The following TAOK1 variants were observed in gnomAD, a reference collection of about 807,000 sequenced individuals.
The protein encoded by TAOK1 is TAO kinase 1, also known as serine/threonine-protein kinase TAO1.
TAOK1 carries 21 observed loss-of-function variants against 138.3 expected under a neutral mutation model. The ratio of observed to expected loss-of-function variants is 0.15; its 90% CI spans 0.11 to 0.22. The LOEUF is 0.22. Among genes scored for constraint, TAOK1 ranks in the 10% least tolerant of loss-of-function variants. TAOK1 has a pLI of 1.00. For synonymous variants in TAOK1, 361 were observed against 398.4 expected, an observed-to-expected ratio of 0.91 and a Z score of 1.12; for missense variants, 651 against 1,227.7, an observed-to-expected ratio of 0.53 and a Z score of 7.02.
intron 13 of TAOK1, among the ~76,000 whole-genome samples, chr17:29,505,199 C>T (rs1425476308): frequency 6.6e-6 from 1 of 152,122 alleles, no homozygotes; most frequent in East Asian, 1.9e-4. Context: ...GTGCTATATA[C>T]CATAACTTAG....
At chr17:29,526,828 A>T (rs1362589580) in intron 17 of TAOK1, among the ~76,000 whole-genome samples, 2 of 147,692 alleles carry the variant, frequency 1.4e-5, no homozygotes, top group African/African-American at 2.5e-5. Flanking sequence ...TTAAAAAAAA[A>T]AAAAAAAAAA....
Position 29,435,551 on chromosome 17 carries a change from C to T in TAOK1, c.-94-15904C>T, listed in dbSNP as rs181623476. Among the ~76,000 whole-genome samples the T allele has an allele frequency of 3.9e-5, 6 of 152,172 alleles. No homozygotes were observed. In the East Asian group the frequency reaches 9.7e-4, roughly 25 times the overall value. On this transcript the variant is annotated intron_variant, in intron 1 of 19. Coordinates refer to ENST00000261716, the MANE Select transcript of TAOK1 (RefSeq NM_020791.4). ...TGGGTGATCCTCTCCTCTTAAGGTC[C>T]CAAGATAAACTTGGAGCTCCTAGAA...
chr17:29,397,680 T>TACATGTATATTCATGTATG (rs1904684212), intron 1 of TAOK1, among the ~76,000 whole-genome samples: 1 of 143,754 alleles, frequency 7.0e-6, no homozygotes, highest in African/African-American at 2.6e-5. Context: ...TGTATACATG[T>TACATGTATATTCATGTATG]ATACATGTAT....
chr17:29,534,987 GA>G (rs1003806572), intron 19 of TAOK1, among the ~76,000 whole-genome samples: 6 of 151,652 alleles, frequency 4.0e-5, no homozygotes, highest in Non-Finnish European at 8.8e-5. Context: ...GCGATGGACA[GA>G]AGATTTTGAG....
intron 8 of TAOK1, among the ~76,000 whole-genome samples, chr17:29,485,208 T>C (rs559661518): frequency 6.6e-6 from 1 of 152,344 alleles, no homozygotes; most frequent in East Asian, 1.9e-4. Flanking sequence ...TGAAAATTCT[T>C]AGTTTGTTAT....
intron 1 of TAOK1, among the ~76,000 whole-genome samples, chr17:29,448,699 T>G (rs2030156423): frequency 6.6e-6 from 1 of 152,240 alleles, no homozygotes; most frequent in Non-Finnish European, 1.5e-5. Flanking sequence ...CATAGTCTTA[T>G]GCATACTGTT....
At chr17:29,415,597 T>C (rs185804134) in intron 1 of TAOK1, among the ~76,000 whole-genome samples, 35 of 152,346 alleles carry the variant, frequency 2.3e-4, no homozygotes, top group Admixed American at 1.4e-3. Flanking sequence ...TGACTAATGA[T>C]GTTGAGCATC....
chr17:29,533,003 C>CCGG (rs750826716), intron 18 of TAOK1, among the ~76,000 whole-genome samples: 1 of 63,916 alleles, frequency 1.6e-5, no homozygotes, highest in South Asian at 7.1e-4. Context: ...CCCCCACCTC[C>CCGG]AACCGGGCGG....
At chr17:29,533,126 CGGT>C (rs1290876688) in intron 18 of TAOK1, among the ~76,000 whole-genome samples, 1 of 145,486 alleles carries the variant, frequency 6.9e-6, no homozygotes. Context: ...TCAGACGGGG[CGGT>C]TGCCGGGCAG....
At chr17:29,473,701 T>C (rs919259897) in intron 3 of TAOK1, among the ~76,000 whole-genome samples, 49 of 152,280 alleles carry the variant, frequency 3.2e-4, no homozygotes, top group Admixed American at 1.1e-3. Context: ...CAGTACTTGC[T>C]GCTTCACCTT....
intron 2 of TAOK1, among the ~76,000 whole-genome samples, chr17:29,459,959 G>C (rs2030494019): frequency 1.3e-5 from 2 of 152,116 alleles, no homozygotes; most frequent in South Asian, 4.1e-4. Flanking sequence ...GTAAAGATGT[G>C]GTGTTTTGGA....
At chr17:29,458,701 TG>T (rs1321524829) in intron 2 of TAOK1, among the ~76,000 whole-genome samples, 4 of 151,986 alleles carry the variant, frequency 2.6e-5, no homozygotes, top group African/African-American at 9.7e-5. Context: ...TTATTTTATT[TG>T]TTTTTTTTGT....
intron 2 of TAOK1, among the ~76,000 whole-genome samples, chr17:29,465,128 A>ATTTTTTT (rs57794003): frequency 4.3e-4 from 27 of 63,158 alleles, no homozygotes; most frequent in Non-Finnish European, 5.2e-4. Flanking sequence ...GTCTTATTTA[A>ATTTTTTT]TTTTTTTTTT....
chr17:29,401,524 C>G (rs990592130), intron 1 of TAOK1, among the ~76,000 whole-genome samples: 2 of 152,142 alleles, frequency 1.3e-5, no homozygotes, highest in Admixed American at 6.6e-5. Flanking sequence ...TCACTATCAA[C>G]TAGAACAGCA....
intron 1 of TAOK1, among the ~76,000 whole-genome samples, chr17:29,436,757 G>A (rs1356825569): frequency 2.0e-5 from 3 of 152,120 alleles, no homozygotes; most frequent in Non-Finnish European, 4.4e-5. Context: ...ATACATAAGC[G>A]TTATTTACTA....
rs770931542 is a variant in TAOK1, at chr17:29,467,221, G to A, written c.204+5G>A. ...AGTGGAAAGCAGTCTACTGAGGTAGGTTAAATATGTACATTCTTGTTTTTT... is the reference window on the plus strand; with the variant it reads ...AGTGGAAAGCAGTCTACTGAGGTAGATTAAATATGTACATTCTTGTTTTTT... On this transcript the variant is annotated splice_donor_5th_base_variant and intron_variant, in intron 3 of 19. Transcript: ENST00000261716. 3.2e-6 allele frequency: 5 copies of A among 1,565,346 alleles called. No individual in the cohort carries two copies. The highest frequency in any genetic ancestry group is 4.5e-5 in the East Asian group (2 of 44,316).
intron 16 of TAOK1, among the ~76,000 whole-genome samples, chr17:29,520,426 C>T (rs893938080): frequency 6.6e-6 from 1 of 150,976 alleles, no homozygotes; most frequent in Non-Finnish European, 1.5e-5. Flanking sequence ...CCTGTCTCTA[C>T]AAATTTTTTT....
intron 1 of TAOK1, chr17:29,403,588 T>C (rs1904911715): frequency 6.6e-6 from 1 of 152,180 alleles, no homozygotes; most frequent in Non-Finnish European, 1.5e-5. Context: ...GATGATGATG[T>C]TTTATAGGGC....
At chr17:29,523,516 T>A (rs2031956974) in intron 17 of TAOK1, among the ~76,000 whole-genome samples, 1 of 152,162 alleles carries the variant, frequency 6.6e-6, no homozygotes, top group Non-Finnish European at 1.5e-5. Context: ...GCCTCCCTAG[T>A]AGCTGGGACT....
Sources: allele counts gnomAD v4.1 joint callset (sites outside exome capture counted in the v4.1 genomes callset), GRCh38; gene constraint gnomAD v4.1.1; transcripts MANE v1.5; gene names NCBI Gene and HGNC (gene_info 2026-07-23, HGNC 2026-07-21).